Variants in PREX1 observed in about 807,000 individuals in gnomAD.
The protein encoded by PREX1 is phosphatidylinositol 3,4,5-trisphosphate-dependent Rac exchanger 1 protein.
In PREX1, 41 loss-of-function variants were observed where a neutral mutation model predicts 198.3. That is an observed-to-expected ratio of 0.21 (90% CI 0.16 to 0.27). The LOEUF (loss-of-function observed/expected upper bound fraction) is 0.27, where lower values mean the gene tolerates loss of function less well. Among genes scored for constraint, PREX1 ranks in the 10% least tolerant of loss-of-function variants. The pLI is 1.00. For synonymous variants in PREX1, 843 were observed against 887.2 expected (o/e 0.95, Z 0.89); for missense variants, 1,620 against 2,200.7 (o/e 0.74, Z 5.28).
At chr20:48,862,060 G>T in the PREX1 span, among the ~76,000 whole-genome samples, 5 of 151,746 alleles carry the variant, frequency 3.3e-5, no homozygotes, top group Non-Finnish European at 7.4e-5. Context: ...AAATACAAAA[G>T]TTAGACAAGC....
chr20:48,888,075 CA>C, the PREX1 span, among the ~76,000 whole-genome samples: 2 of 152,180 alleles, frequency 1.3e-5, no homozygotes, highest in Non-Finnish European at 2.9e-5. Flanking sequence ...AAACTGGGAA[CA>C]AAAAGAGGTT....
intron 34 of PREX1, 26 bp from the exon 35 acceptor site, chr20:48,632,417 G>A: frequency 6.2e-7 from 1 of 1,613,058 alleles, no homozygotes; most frequent in Non-Finnish European, 8.5e-7. Context: ...TCGGGGGCGG[G>A]CAGGCGGTTG....
rs749251015 is a variant in PREX1 at position 48,649,589 on chromosome 20, A to G, written c.3029-13T>C. 1.3e-6 allele frequency: 2 copies of G among 1,567,616 alleles called. No homozygotes were observed. Among genetic ancestry groups the G allele is most frequent in the South Asian group, 1.2e-5 (1 of 86,714 alleles). Reference sequence around the variant, plus strand: ...GGGTTCAGGTGGCCTGCAGTGGAGGAAGAGAGAGCTCACTGGAAAACAGCC... The same window carrying G: ...GGGTTCAGGTGGCCTGCAGTGGAGGGAGAGAGAGCTCACTGGAAAACAGCC... On this transcript the variant is annotated splice_polypyrimidine_tract_variant and intron_variant, in intron 24 of 39. Coordinates refer to ENST00000371941, the MANE Select transcript of PREX1 (RefSeq NM_020820.4).
intron 18 of PREX1, among the ~76,000 whole-genome samples, chr20:48,655,904 C>T (rs548827129): frequency 2.3e-4 from 35 of 152,292 alleles, no homozygotes; most frequent in Middle Eastern, 3.4e-3. Flanking sequence ...GCATCAGTAC[C>T]CTGCCCACAT....
At position 48,691,504 on chromosome 20, in the gene PREX1, G is replaced by T. The variant is rs1378055627; in HGVS notation, c.1037-408C>A. ...TGGGACCCTTACCCAGTGCTGGCTG[G>T]GATGGGACCTGGAAAACCTCTCAAA... On this transcript the variant is annotated intron_variant, in intron 8 of 39. Coordinates refer to ENST00000371941, the MANE Select transcript of PREX1 (RefSeq NM_020820.4). The surrounding 1 kb of genome is among the most constrained non-coding windows in gnomAD (Gnocchi z 5.0). Among the ~76,000 whole-genome samples, 1 of 152,166 alleles carries T rather than the reference G, an allele frequency of 6.6e-6. No homozygotes were observed. The highest frequency in any genetic ancestry group is 1.5e-5 in the Non-Finnish European group (1 of 68,038).
chr20:48,634,637 C>A, intron 33 of PREX1, 39 bp downstream of exon 33: 2 of 1,599,124 alleles, frequency 1.3e-6, no homozygotes, highest in Non-Finnish European at 1.7e-6. Context: ...CACCCCAGGA[C>A]CCCACCTCTC....
intron 1 of PREX1, among the ~76,000 whole-genome samples, chr20:48,761,390 G>A (rs975786571): frequency 6.6e-6 from 1 of 151,000 alleles, no homozygotes; most frequent in Non-Finnish European, 1.5e-5. Flanking sequence ...CCAGAGCCTA[G>A]GATTGGACCC....
rs1395838514 is a variant in PREX1, at chr20:48,773,154, C to T, written c.220-25274G>A. 2.6e-5 allele frequency among the ~76,000 whole-genome samples: 4 copies of T among 151,102 alleles called. No individual in the cohort carries two copies. The Admixed American group carries it at 2.7e-4, about 10-fold the overall frequency. On this transcript the variant is annotated intron_variant, in intron 1 of 39. Coordinates refer to ENST00000371941, the MANE Select transcript of PREX1 (RefSeq NM_020820.4). ...AGGTGGCAGGTGTCGGTAATCTCTG[C>T]TACTCGGGAGGCTGAGGCAGGAGAA...
At position 48,652,679 on chromosome 20, in the gene PREX1, G is replaced by T. The variant is rs763929186; in HGVS notation, c.2374C>A (p.His792Asn). ...LGLYQWIYHT[H>N]EDAQEARASQ... ...GCTCGTGCTTCCTGGGCATCCTCATGGGTGTGGTAGATCCACTGGTACAGG... is the reference window on the plus strand; with the variant it reads ...GCTCGTGCTTCCTGGGCATCCTCATTGGTGTGGTAGATCCACTGGTACAGG... The change falls in exon 21 of 40, where the codon CAT (histidine) becomes AAT (asparagine). Residue 792 changes from histidine to asparagine, a missense_variant. By Grantham distance (68) the His-to-Asn change is moderately conservative. Coordinates refer to ENST00000371941, the MANE Select transcript of PREX1 (RefSeq NM_020820.4). 4 of 1,613,340 alleles carry T rather than the reference G, an allele frequency of 2.5e-6. No individual in the cohort carries two copies. The Admixed American group carries it at 6.7e-5, about 27-fold the overall frequency.
the PREX1 span, among the ~76,000 whole-genome samples, chr20:48,873,791 C>T: frequency 4.0e-5 from 6 of 151,880 alleles, no homozygotes; most frequent in East Asian, 1.9e-4. Flanking sequence ...ACAACAACAG[C>T]GGAAAATACG....
chr20:48,810,926 C>G (rs955682002), intron 1 of PREX1, among the ~76,000 whole-genome samples: 8 of 151,976 alleles, frequency 5.3e-5, no homozygotes, highest in African/African-American at 1.9e-4. Flanking sequence ...ACCAGCAGGG[C>G]AAGTGCCATA....
Position 48,755,914 on chromosome 20 carries a change from G to A in PREX1, c.220-8034C>T, listed in dbSNP as rs568557091. 1.7e-4 allele frequency among the ~76,000 whole-genome samples: 26 copies of A among 152,226 alleles called. No homozygotes were observed. The South Asian group carries it at 5.4e-3, about 32-fold the overall frequency. ...AAAGTCATTTTTAACATAAATGCAT[G>A]TTTTTATTTTTCTGGATGGGAGGGG... On this transcript the variant is annotated intron_variant, in intron 1 of 39. Transcript: ENST00000371941.
At chr20:48,780,708 C>G (rs1339771865) in intron 1 of PREX1, among the ~76,000 whole-genome samples, 1 of 152,102 alleles carries the variant, frequency 6.6e-6, no homozygotes, top group African/African-American at 2.4e-5. Context: ...AAATAGAAAG[C>G]CACGACTGGA....
intron 5 of PREX1, among the ~76,000 whole-genome samples, chr20:48,717,497 TAAA>T (rs75263542): frequency 9.3e-5 from 13 of 139,142 alleles, no homozygotes; most frequent in Admixed American, 2.1e-4. Flanking sequence ...ACCACCACTT[TAAA>T]AAAAAAAAAA....
rs190252344 is a variant in PREX1 at position 48,737,665 on chromosome 20, G to T, written c.415-3015C>A. Among the ~76,000 whole-genome samples, 193 of 152,240 alleles carry T rather than the reference G, an allele frequency of 1.3e-3. 3 individuals carry two copies. Among genetic ancestry groups the T allele is most frequent in the Admixed American group, 0.012 (187 of 15,292 alleles). Reference sequence around the variant, plus strand: ...CAGAGTTCCCCGTCCTAATAACAGTGGCCATGTGACCCAAGCTGGGCCGCA... The same window carrying T: ...CAGAGTTCCCCGTCCTAATAACAGTTGCCATGTGACCCAAGCTGGGCCGCA... On this transcript the variant is annotated intron_variant, in intron 3 of 39. Coordinates refer to ENST00000371941, the MANE Select transcript of PREX1 (RefSeq NM_020820.4).
intron 1 of PREX1, among the ~76,000 whole-genome samples, chr20:48,813,853 G>A (rs2090447446): frequency 6.6e-6 from 1 of 152,138 alleles, no homozygotes. Context: ...TACCATACTG[G>A]GTTCCATAAG....
intron 1 of PREX1, among the ~76,000 whole-genome samples, chr20:48,826,997 A>T (rs1457476094): frequency 6.6e-6 from 1 of 152,214 alleles, no homozygotes; most frequent in African/African-American, 2.4e-5. Flanking sequence ...TATTTTACAA[A>T]GTCTGAGGCC....
chr20:48,748,767 T>C (rs964057498), intron 1 of PREX1, among the ~76,000 whole-genome samples: 4 of 152,194 alleles, frequency 2.6e-5, no homozygotes, highest in Non-Finnish European at 5.9e-5. Context: ...GCACCATTCA[T>C]GTGGGGTCAC....
the PREX1 span, among the ~76,000 whole-genome samples, chr20:48,855,670 G>A: frequency 1.3e-5 from 2 of 152,174 alleles, no homozygotes; most frequent in Admixed American, 1.3e-4. Flanking sequence ...AGGCCAAGGA[G>A]GGTGGATCAC....
Sources: gnomAD v4.1 joint callset for allele counts (sites outside exome capture counted in the v4.1 genomes callset) on GRCh38, gnomAD v4.1.1 for gene constraint, Gnocchi (gnomAD v3.1) non-coding constraint, MANE v1.5 for transcripts, NCBI Gene and HGNC (gene_info 2026-07-23, HGNC 2026-07-21) for gene names.